RAD51B: variants seen among roughly 807,000 people sequenced by gnomAD.
The protein encoded by RAD51B is DNA repair protein RAD51 homolog 2.
RAD51B carries 38 observed loss-of-function variants against 42.2 expected under a neutral mutation model. The ratio of observed to expected loss-of-function variants is 0.90; its 90% CI spans 0.70 to 1.18. The LOEUF (loss-of-function observed/expected upper bound fraction) is 1.18. Ranked by LOEUF, RAD51B falls within the 50% of genes most tolerant of loss-of-function variation. The pLI is 0.00. For missense variants in RAD51B, 373 were observed against 400.7 expected, an observed-to-expected ratio of 0.93 and a Z score of 0.59; for synonymous variants, 154 against 145.2, an observed-to-expected ratio of 1.06 and a Z score of -0.43.
intron 7 of RAD51B, among the ~76,000 whole-genome samples, chr14:67,924,588 GT>G: frequency 6.6e-6 from 1 of 152,188 alleles, no homozygotes; most frequent in East Asian, 1.9e-4. Flanking sequence ...CAAAGACTTT[GT>G]GCAGAGAAAC....
At chr14:68,271,367 A>G (rs2081100631) in intron 7 of RAD51B, among the ~76,000 whole-genome samples, 1 of 152,246 alleles carries the variant, frequency 6.6e-6, no homozygotes, top group African/African-American at 2.4e-5. Flanking sequence ...TGGGCTTTGG[A>G]GTAAAACAAG....
intron 9 of RAD51B, among the ~76,000 whole-genome samples, chr14:68,454,909 G>A (rs2085647614): frequency 6.6e-6 from 1 of 152,182 alleles, no homozygotes. Context: ...CAGGAATCTA[G>A]AGGGCCACAT....
intron 7 of RAD51B, among the ~76,000 whole-genome samples, chr14:68,279,962 T>C (rs1262210393): frequency 6.6e-6 from 1 of 152,242 alleles, no homozygotes; most frequent in Non-Finnish European, 1.5e-5. Context: ...TTTGTGGCTC[T>C]TCCACATTTA....
chr14:68,388,096 T>TATATA lies in RAD51B; in HGVS notation c.854-23328_854-23327insATATA, dbSNP rs33934376. 3.0e-3 allele frequency among the ~76,000 whole-genome samples: 276 copies of TATATA among 91,896 alleles called. 2 individuals carry two copies. Among genetic ancestry groups the TATATA allele is most frequent in the East Asian group, 0.029 (81 of 2,840 alleles). The allele number at this position is 91,896 out of a possible 152,430, so 60.3% of individuals were successfully genotyped here. On this transcript the variant is annotated intron_variant, in intron 8 of 10. Transcript: ENST00000471583. ...TGTGTGTGTATATATATATATATAT[T>TATATA]TTTTTTTTTTTTTAATTGAGGCAGC...
intron 7 of RAD51B, among the ~76,000 whole-genome samples, chr14:67,999,597 A>C (rs952902607): frequency 6.6e-6 from 1 of 152,202 alleles, no homozygotes; most frequent in African/African-American, 2.4e-5. Context: ...GTATTATGCA[A>C]CCTCTCACAT....
intron 5 of RAD51B, among the ~76,000 whole-genome samples, chr14:67,870,215 G>A (rs1470548041): frequency 1.3e-5 from 2 of 151,516 alleles, no homozygotes; most frequent in East Asian, 1.9e-4. Flanking sequence ...GACACACATA[G>A]GCTCAAAATA....
chr14:68,602,021 G>A (rs1193714050), intron 10 of RAD51B, among the ~76,000 whole-genome samples: 1 of 152,024 alleles, frequency 6.6e-6, no homozygotes, highest in Admixed American at 6.6e-5. Flanking sequence ...GTCCCAACCT[G>A]CTTGGTCCTT....
intron 7 of RAD51B, among the ~76,000 whole-genome samples, chr14:68,275,794 C>CCACACACACACACACACACA (rs10641411): frequency 2.1e-5 from 3 of 141,374 alleles, no homozygotes; most frequent in Admixed American, 7.1e-5. Flanking sequence ...AACTAGCTCT[C>CCACACACACACACACACACA]CACACACACA....
intron 8 of RAD51B, among the ~76,000 whole-genome samples, chr14:68,361,957 TG>T (rs2083034577): frequency 6.6e-6 from 1 of 152,198 alleles, no homozygotes; most frequent in Non-Finnish European, 1.5e-5. Flanking sequence ...ATTACAGGCA[TG>T]AACCACTGCA....
intron 10 of RAD51B, among the ~76,000 whole-genome samples, chr14:68,626,431 T>C (rs1430092943): frequency 6.6e-6 from 1 of 152,244 alleles, no homozygotes; most frequent in Non-Finnish European, 1.5e-5. Context: ...TGCATTTTTA[T>C]CTCTCACATC....
At chr14:68,107,387 C>G (rs957717008) in intron 7 of RAD51B, among the ~76,000 whole-genome samples, 5 of 151,736 alleles carry the variant, frequency 3.3e-5, no homozygotes, top group African/African-American at 1.2e-4. Context: ...ATTCATGAAT[C>G]AGGAGACTTA....
chr14:68,304,706 C>A (rs1452055774), intron 8 of RAD51B, among the ~76,000 whole-genome samples: 1 of 152,210 alleles, frequency 6.6e-6, no homozygotes, highest in African/African-American at 2.4e-5. Flanking sequence ...CTATTTTGAG[C>A]AAGGCACTTA....
rs59562923 is a variant in RAD51B, at chr14:68,583,293, C to G, written c.1037-11192C>G. On this transcript the variant is annotated intron_variant, in intron 10 of 10. Transcript: ENST00000487270. ...GCAGACCTGCCAGGAGGGGGTGACA[C>G]TCTTTGGAGACAGGGTGATCCCCTA... Among the ~76,000 whole-genome samples, 12 of 152,226 alleles carry G rather than the reference C, an allele frequency of 7.9e-5. No individual in the cohort carries two copies. In the East Asian group the frequency reaches 2.3e-3, roughly 29 times the overall value.
chr14:68,426,422 T>G (rs60565302), intron 9 of RAD51B, among the ~76,000 whole-genome samples: 2 of 152,216 alleles, frequency 1.3e-5, no homozygotes, highest in African/African-American at 4.8e-5. Context: ...GATGAATATC[T>G]TATTGGAAAC....
intron 7 of RAD51B, among the ~76,000 whole-genome samples, chr14:67,921,131 AC>A (rs2044308421): frequency 6.6e-6 from 1 of 152,232 alleles, no homozygotes; most frequent in African/African-American, 2.4e-5. Context: ...ACAAACAAAA[AC>A]AACCCTAACA....
downstream of RAD51B, among the ~76,000 whole-genome samples, chr14:68,615,638 C>T (rs773103079): frequency 7.2e-5 from 11 of 152,218 alleles, no homozygotes; most frequent in Non-Finnish European, 1.6e-4. Flanking sequence ...AGCCACTGCA[C>T]CTGGCTTAAA....
At chr14:68,621,960 G>A (rs1323085025) in intron 10 of RAD51B, among the ~76,000 whole-genome samples, 1 of 152,202 alleles carries the variant, frequency 6.6e-6, no homozygotes, top group Non-Finnish European at 1.5e-5. Flanking sequence ...CTGGTTGGGG[G>A]TGGCAGATGG....
intron 7 of RAD51B, among the ~76,000 whole-genome samples, chr14:68,183,451 A>G (rs1489863481): frequency 6.6e-6 from 1 of 152,182 alleles, no homozygotes; most frequent in Admixed American, 6.5e-5. Flanking sequence ...ACCAAGATTG[A>G]GGGTGGGTCT....
At chr14:68,062,846 A>G (rs2076591090) in intron 7 of RAD51B, among the ~76,000 whole-genome samples, 1 of 149,826 alleles carries the variant, frequency 6.7e-6, no homozygotes, top group African/African-American at 2.5e-5. Flanking sequence ...AAAAAAAAAG[A>G]ATTCAGCCTT....
Sources: allele counts gnomAD v4.1 joint callset (sites outside exome capture counted in the v4.1 genomes callset), GRCh38; gene constraint gnomAD v4.1.1; transcripts MANE v1.5; gene names NCBI Gene and HGNC (gene_info 2026-07-23, HGNC 2026-07-21).